The following PTCHD4 variants were observed in gnomAD, a reference collection of about 807,000 sequenced individuals.
PTCHD4 encodes the protein patched domain-containing protein 4.
Under a neutral mutation model 58.1 loss-of-function variants are expected in PTCHD4, and 33 were observed. The observed-to-expected ratio is 0.57, with a 90% confidence interval of 0.43 to 0.76. The LOEUF is 0.76. Among genes scored for constraint, PTCHD4 ranks in the 30% least tolerant of loss-of-function variants. PTCHD4 has a pLI of 0.00. For missense variants in PTCHD4, 1,058 were observed against 1,027.1 expected, an observed-to-expected ratio of 1.03 and a Z score of -0.41; for synonymous variants, 478 against 409.6, an observed-to-expected ratio of 1.17 and a Z score of -2.02.
At chr6:47,918,820 C>G (rs1273013756) in intron 4 of PTCHD4, among the ~76,000 whole-genome samples, 1 of 152,102 alleles carries the variant, frequency 6.6e-6, no homozygotes, top group African/African-American at 2.4e-5. Flanking sequence ...TTTTCATGTA[C>G]TCTTACTGCT....
chr6:48,038,004 C>T (rs2114145797), intron 3 of PTCHD4, among the ~76,000 whole-genome samples: 1 of 150,410 alleles, frequency 6.6e-6, no homozygotes, highest in Admixed American at 6.6e-5. Flanking sequence ...AGAAATAAGC[C>T]CACTGTTCTG....
At chr6:48,031,038 C>A (rs1763421785) in intron 3 of PTCHD4, among the ~76,000 whole-genome samples, 1 of 152,090 alleles carries the variant, frequency 6.6e-6, no homozygotes, top group Non-Finnish European at 1.5e-5. Flanking sequence ...GCGAAACTGA[C>A]AAAGATTCTT....
chr6:47,931,894 T>C (rs1019411422), intron 4 of PTCHD4, among the ~76,000 whole-genome samples: 6 of 152,092 alleles, frequency 3.9e-5, no homozygotes, highest in African/African-American at 1.4e-4. Context: ...ATTATAGTCA[T>C]TTTAGTGGTG....
At chr6:47,887,434 G>A (rs1764227086) in intron 4 of PTCHD4, among the ~76,000 whole-genome samples, 4 of 152,052 alleles carry the variant, frequency 2.6e-5, no homozygotes, top group Admixed American at 2.6e-4. Context: ...TTACTGAGAA[G>A]GAAACTTGCT....
intron 3 of PTCHD4, among the ~76,000 whole-genome samples, chr6:48,052,176 C>G (rs989131777): frequency 1.3e-5 from 2 of 151,972 alleles, no homozygotes; most frequent in African/African-American, 4.8e-5. Flanking sequence ...ACATCATATG[C>G]ACTTAGGAGG....
At chr6:47,957,028 G>A (rs1252739389) in intron 4 of PTCHD4, among the ~76,000 whole-genome samples, 1 of 151,692 alleles carries the variant, frequency 6.6e-6, no homozygotes, top group Non-Finnish European at 1.5e-5. Flanking sequence ...GGTGGGTTTG[G>A]TGCCAGGTGC....
At chr6:48,101,092 C>T (rs1765593960) in intron 1 of PTCHD4, among the ~76,000 whole-genome samples, 1 of 151,188 alleles carries the variant, frequency 6.6e-6, no homozygotes, top group Non-Finnish European at 1.5e-5. Context: ...AAAAAAGAAA[C>T]CAGAATAAGA....
At chr6:48,102,249 C>A (rs1029540947) in intron 1 of PTCHD4, among the ~76,000 whole-genome samples, 1 of 152,142 alleles carries the variant, frequency 6.6e-6, no homozygotes, top group African/African-American at 2.4e-5. Flanking sequence ...AATCCTCTTC[C>A]ACAATTTTTA....
intron 4 of PTCHD4, among the ~76,000 whole-genome samples, chr6:47,932,071 C>A (rs1199396732): frequency 2.6e-5 from 4 of 152,168 alleles, no homozygotes; most frequent in African/African-American, 9.7e-5. Context: ...TTATTCTCTA[C>A]ACAGGAATTT....
chr6:48,042,737 A>G (rs1413703705), intron 3 of PTCHD4, among the ~76,000 whole-genome samples: 9 of 151,946 alleles, frequency 5.9e-5, no homozygotes, highest in Non-Finnish European at 1.3e-4. Context: ...AGTTCTTTCT[A>G]TTCTGCAGTT....
chr6:47,876,307 G>T lies in PTCHD4; in HGVS notation c.*1996C>A, dbSNP rs1763846899. ...ATAATTTTCCCCACTCAAATCTATA[G>T]ATATTGCACTGAAACTGACACAATG... On this transcript the variant is annotated 3_prime_UTR_variant, in exon 5 of 5. Transcript: ENST00000339488. Among the ~76,000 whole-genome samples the T allele has an allele frequency of 6.6e-6, 1 of 151,864 alleles. No homozygotes were observed. Among genetic ancestry groups the T allele is most frequent in the Non-Finnish European group, 1.5e-5 (1 of 67,922 alleles).
intron 3 of PTCHD4, among the ~76,000 whole-genome samples, chr6:48,022,769 G>T (rs1444167330): frequency 6.6e-6 from 1 of 152,012 alleles, no homozygotes; most frequent in African/African-American, 2.4e-5. Flanking sequence ...ATTAAATTTT[G>T]TTTTTAAATT....
intron 4 of PTCHD4, among the ~76,000 whole-genome samples, chr6:47,995,968 CTTTTA>C (rs1230574264): frequency 6.6e-6 from 1 of 152,118 alleles, no homozygotes; most frequent in Non-Finnish European, 1.5e-5. Context: ...AAACTTTTAA[CTTTTA>C]TTTTAGGTTT....
At chr6:48,056,494 T>C (rs617828) in intron 3 of PTCHD4, among the ~76,000 whole-genome samples, 20,659 of 152,244 alleles carry the variant, frequency 0.14, 1,397 homozygotes, top group South Asian at 0.19. Context: ...TAGTTTCTAT[T>C]TTCTCATAGT....
chr6:48,036,870 C>T (rs893934278), intron 3 of PTCHD4, among the ~76,000 whole-genome samples: 1 of 152,144 alleles, frequency 6.6e-6, no homozygotes, highest in Non-Finnish European at 1.5e-5. Flanking sequence ...CTGTAAGTTA[C>T]TGCCACTGTG....
chr6:47,947,534 C>T (rs1207113072), intron 4 of PTCHD4, among the ~76,000 whole-genome samples: 1 of 151,852 alleles, frequency 6.6e-6, no homozygotes, highest in Non-Finnish European at 1.5e-5. Flanking sequence ...CTATTTTACC[C>T]TTATTCAAAA....
chr6:47,980,588 A>T (rs1318095392), intron 4 of PTCHD4, among the ~76,000 whole-genome samples: 1 of 152,102 alleles, frequency 6.6e-6, no homozygotes, highest in Non-Finnish European at 1.5e-5. Context: ...TTCTGTTGAT[A>T]ACTTCAATGT....
At position 47,973,442 on chromosome 6, in the gene PTCHD4, G is replaced by A. The variant is rs186269056; in HGVS notation, c.898+35192C>T. On this transcript the variant is annotated intron_variant, in intron 4 of 4. Transcript: ENST00000339488. ...ATGACAATAAAAACAATGCTACAGTGATTGTAGCTGGAGATATAATCAAGG... is the reference window on the plus strand; with the variant it reads ...ATGACAATAAAAACAATGCTACAGTAATTGTAGCTGGAGATATAATCAAGG... 2.0e-5 allele frequency among the ~76,000 whole-genome samples: 3 copies of A among 152,306 alleles called. No individual in the cohort carries two copies. The East Asian group carries it at 5.8e-4, about 29-fold the overall frequency.
chr6:48,055,159 G>C (rs1375662176), intron 3 of PTCHD4, among the ~76,000 whole-genome samples: 1 of 152,112 alleles, frequency 6.6e-6, no homozygotes, highest in African/African-American at 2.4e-5. Flanking sequence ...CAAGAAACAG[G>C]ATCCACCCAG....
Sources: gnomAD v4.1 joint callset for allele counts (sites outside exome capture counted in the v4.1 genomes callset) on GRCh38, gnomAD v4.1.1 for gene constraint, MANE v1.5 for transcripts, NCBI Gene and HGNC (gene_info 2026-07-23, HGNC 2026-07-21) for gene names.